EPS8L2: variants seen among roughly 807,000 people sequenced by gnomAD.
The protein encoded by EPS8L2 is EPS8 signaling adaptor L2.
In EPS8L2, 81 loss-of-function variants were observed where a neutral mutation model predicts 99.4. That is an observed-to-expected ratio of 0.82 (90% CI 0.68 to 0.98). The LOEUF (loss-of-function observed/expected upper bound fraction) is 0.98, where lower values mean the gene tolerates loss of function less well. Ranked by LOEUF, EPS8L2 falls within the 50% of genes least tolerant of loss-of-function variation. The pLI, the probability that EPS8L2 is intolerant of heterozygous loss-of-function variation, is 0.00. For synonymous variants in EPS8L2, 509 were observed against 407.3 expected, an observed-to-expected ratio of 1.25 and a Z score of -3.01; for missense variants, 1,155 against 968.8, an observed-to-expected ratio of 1.19 and a Z score of -2.55.
intron 4 of EPS8L2, among the ~76,000 whole-genome samples, chr11:715,833 G>A (rs1434684797): frequency 6.6e-6 from 1 of 151,540 alleles, no homozygotes. Context: ...CGTTAGCCAG[G>A]ATGGTCTCGA....
At chr11:711,147 C>G (rs1030110221) in intron 4 of EPS8L2, among the ~76,000 whole-genome samples, 1 of 152,166 alleles carries the variant, frequency 6.6e-6, no homozygotes, top group African/African-American at 2.4e-5. Flanking sequence ...CCTGCACGCG[C>G]CGGACCAGCC....
intron 15 of EPS8L2, 33 bp downstream of exon 15, chr11:723,386 G>C (rs1271091430): frequency 2.0e-6 from 2 of 1,023,492 alleles, no homozygotes; most frequent in South Asian, 3.2e-5. Context: ...GAGCATGAAA[G>C]TGAAACCCTT....
In EPS8L2 at chr11:712,412, TC is replaced by T. The variant is rs1197030912; in HGVS notation, c.165+1927del. ...TGGGTGCGAGCTGGGCTCCCGGTTGTCGTCCAAGCCTGGGTGCGAGCTGGGC... is the reference window on the plus strand; with the variant it reads ...TGGGTGCGAGCTGGGCTCCCGGTTGTGTCCAAGCCTGGGTGCGAGCTGGGC... On this transcript the variant is annotated intron_variant, in intron 4 of 20. Coordinates refer to ENST00000318562, the MANE Select transcript of EPS8L2 (RefSeq NM_022772.4). Among the ~76,000 whole-genome samples the T allele has an allele frequency of 1.9e-4, 27 of 138,578 alleles. 1 individual carries two copies. The highest frequency in any genetic ancestry group is 3.2e-4 in the Non-Finnish European group (20 of 62,474). 90.9% of individuals were successfully genotyped at this position (138,578 alleles called of 152,430 possible). A position where few individuals can be genotyped will look rare whatever the true frequency, so the allele number is the denominator to read the frequency against.
intron 3 of EPS8L2, chr11:710,008 C>T: frequency 2.7e-6 from 1 of 371,244 alleles, no homozygotes; most frequent in South Asian, 3.0e-5. Flanking sequence ...ATGCACCCTT[C>T]ACTTATGTCT....
rs776750117 is a variant in EPS8L2 at position 710,526 on chromosome 11, C to G, written c.165+40C>G. On this transcript the variant is annotated intron_variant, in intron 4 of 20. Coordinates refer to ENST00000318562, the MANE Select transcript of EPS8L2 (RefSeq NM_022772.4). ...CCAGGTAGGCTCCGCCCCCAGGGAG[C>G]ACCCTCAGGACATGGCTGTCCTCAG... 4.1e-5 allele frequency: 64 copies of G among 1,560,134 alleles called. No individual in the cohort carries two copies. In the East Asian group the frequency reaches 1.4e-3, roughly 34 times the overall value.
intron 16 of EPS8L2, among the ~76,000 whole-genome samples, chr11:725,180 C>CA (rs915801312): frequency 9.2e-5 from 14 of 152,366 alleles, no homozygotes; most frequent in African/African-American, 2.9e-4. Context: ...CCAGGCCACC[C>CA]ACTGGGGGAC....
intron 5 of EPS8L2, 156 bp from the exon 6 acceptor site, chr11:720,441 G>C: frequency 7.9e-7 from 1 of 1,264,466 alleles, no homozygotes. Context: ...CGGTACAGCT[G>C]CGGGGTGTGT....
rs371297832 is a variant in EPS8L2 at position 709,498 on chromosome 11, C to G, written c.44+47C>G. ...GAATACCCCACCCTCACCCTCTGAA[C>G]AGTCCCCAGGGAGGGGTGCAGTTTG... On this transcript the variant is annotated intron_variant, in intron 2 of 20. Transcript: ENST00000318562. The G allele has an allele frequency of 6.1e-6, 7 of 1,139,910 alleles. No homozygotes were observed. In the African/African-American group the frequency reaches 1.1e-4, roughly 18 times the overall value. 70.6% of individuals were successfully genotyped at this position (1,139,910 alleles called of 1,614,324 possible).
In EPS8L2 at chr11:709,674, G is replaced by T; in HGVS notation, c.100+66G>T. On this transcript the variant is annotated intron_variant, in intron 3 of 20. Coordinates refer to ENST00000318562, the MANE Select transcript of EPS8L2 (RefSeq NM_022772.4). ...AAATGGGCACTGCATCCAGGTGGGGGACAGCTGCTCCTGCCCCACAGCTGT... is the reference window on the plus strand; with the variant it reads ...AAATGGGCACTGCATCCAGGTGGGGTACAGCTGCTCCTGCCCCACAGCTGT... 5 of 1,556,544 alleles carry T rather than the reference G, an allele frequency of 3.2e-6. No individual in the cohort carries two copies. The South Asian group carries it at 4.6e-5, about 14-fold the overall frequency.
chr11:715,651 T>C lies in EPS8L2; in HGVS notation c.166-4411T>C, dbSNP rs192901680. Among the ~76,000 whole-genome samples, 53 of 146,806 alleles carry C rather than the reference T, an allele frequency of 3.6e-4. No individual in the cohort carries two copies. The East Asian group carries it at 5.1e-3, about 14-fold the overall frequency. The stretch of plus-strand genomic sequence containing the variant: ...TTTTTTTTTTTTTGAAATGGAGTCT[T>C]GCTCTGTCGCCCAGGCTGGAGTGCA... On this transcript the variant is annotated intron_variant, in intron 4 of 20. Coordinates refer to ENST00000318562, the MANE Select transcript of EPS8L2 (RefSeq NM_022772.4).
intron 10 of EPS8L2, 72 bp downstream of exon 10, chr11:721,763 A>ACGGGGC: frequency 6.5e-7 from 1 of 1,547,322 alleles, no homozygotes; most frequent in South Asian, 1.1e-5. Flanking sequence ...AGGGACGGGG[A>ACGGGGC]CGGGGCCAGG....
Position 722,678 on chromosome 11 carries a change from A to T in EPS8L2, c.1214A>T (p.Glu405Val). Residue 405 changes from glutamate (E) to valine (V), a missense_variant, in exon 14 of 21, where the codon GAG (glutamate) becomes GTG (valine). Glu to Val is a moderately radical substitution (Grantham distance 121, BLOSUM62 -2). Transcript: ENST00000318562. The part of the protein sequence containing the change: ...LGESWMRPRS[E>V]WPREPQVPLY... Reference sequence around the variant, plus strand: ...TTCAGGACCTCTCACCCCAGTTCCGAGTGGCCGCGGGAGCCACAGGTGCCC... The same window carrying T: ...TTCAGGACCTCTCACCCCAGTTCCGTGTGGCCGCGGGAGCCACAGGTGCCC... The T allele has an allele frequency of 6.2e-7, 1 of 1,607,396 alleles. No homozygotes were observed. The highest frequency in any genetic ancestry group is 8.5e-7 in the Non-Finnish European group (1 of 1,177,816).
At position 721,301 on chromosome 11, in the gene EPS8L2, G is replaced by T; in HGVS notation, c.717G>T (p.Glu239Asp). Residue 239 changes from glutamate (E) to aspartate (D), a missense_variant, in exon 9 of 21, where the codon GAG becomes GAT. Glu to Asp is a conservative substitution (Grantham distance 45). Coordinates refer to ENST00000318562, the MANE Select transcript of EPS8L2 (RefSeq NM_022772.4). The stretch of plus-strand genomic sequence containing the variant: ...CCCCATCAGGTTTCCGCCGTCGGGA[G>T]TCGCAGGAGGAGCCGCGGGCCGTGC... Reference protein sequence around the residue: ...PLSEPGFRRRESQEEPRAVLA... With the variant: ...PLSEPGFRRRDSQEEPRAVLA... The T allele has an allele frequency of 6.5e-7, 1 of 1,540,410 alleles. No individual in the cohort carries two copies. Among genetic ancestry groups the T allele is most frequent in the South Asian group, 1.2e-5 (1 of 83,936 alleles).
chr11:710,907 C>T (rs1236163511), intron 4 of EPS8L2, among the ~76,000 whole-genome samples: 2 of 152,216 alleles, frequency 1.3e-5, no homozygotes, highest in African/African-American at 2.4e-5. Flanking sequence ...GAAAGCGCCC[C>T]TCTGGTTCCA....
intron 4 of EPS8L2, among the ~76,000 whole-genome samples, chr11:717,601 G>A (rs1862053327): frequency 6.6e-6 from 1 of 152,220 alleles, no homozygotes; most frequent in Non-Finnish European, 1.5e-5. Flanking sequence ...ATTCCTGGCT[G>A]GGCGAGGTGG....
In EPS8L2 at chr11:727,058, T is replaced by C. The variant is rs1430802213; in HGVS notation, c.*77T>C. The C allele has an allele frequency of 5.9e-6, 6 of 1,022,542 alleles. No individual in the cohort carries two copies. Among genetic ancestry groups the C allele is most frequent in the Admixed American group, 4.3e-5 (2 of 46,442 alleles). The allele number at this position is 1,022,542 out of a possible 1,614,324, so 63.3% of individuals were successfully genotyped here. A position where few individuals can be genotyped will look rare whatever the true frequency, so the allele number is the denominator to read the frequency against. On this transcript the variant is annotated 3_prime_UTR_variant, in exon 21 of 21. Coordinates refer to ENST00000318562, the MANE Select transcript of EPS8L2 (RefSeq NM_022772.4). Reference sequence around the variant, plus strand: ...ATGGAGTATTATTTTTATATGTGTATGTATTTTGTATCAAGGACACGGAGG... The same window carrying C: ...ATGGAGTATTATTTTTATATGTGTACGTATTTTGTATCAAGGACACGGAGG...
chr11:726,231 T>TGGG (rs368184258), intron 18 of EPS8L2, 61 bp downstream of exon 18: 572 of 1,540,196 alleles, frequency 3.7e-4, no homozygotes, highest in Non-Finnish European at 4.2e-4. Flanking sequence ...GGAGGAAGTG[T>TGGG]GGGGGGGGTC....
Position 726,698 on chromosome 11 carries a change from G to T in EPS8L2, c.2014G>T (p.Glu672Ter), listed in dbSNP as rs764708981. 1.3e-6 allele frequency: 2 copies of T among 1,588,728 alleles called. No homozygotes were observed. The highest frequency in any genetic ancestry group is 1.7e-6 in the Non-Finnish European group (2 of 1,169,156). ...GGAGGAGCTGAAGAAAGTGTGCGGC[G>T]AGGAGGGCGTCCGCGTGTACAGCCA... The part of the protein sequence containing the change: ...NKEELKKVCG[E>*]EGVRVYSQLT... Residue 672 changes from glutamate to a stop codon, truncating the protein, a stop_gained, in exon 20 of 21, where the codon GAG (glutamate) becomes TAG (stop). Transcript: ENST00000318562. LOFTEE classifies it high-confidence loss of function.
At position 725,778 on chromosome 11, in the gene EPS8L2, G is replaced by A; in HGVS notation, c.1611G>A (p.Gln537=). The change falls in exon 17 of 21, where the codon CAG becomes CAA. Residue 537 remains glutamine (Q), a synonymous_variant. Coordinates refer to ENST00000318562, the MANE Select transcript of EPS8L2 (RefSeq NM_022772.4). The stretch of plus-strand genomic sequence containing the variant: ...GGAAGCTGCGCAGCCGCAGCGGCCA[G>A]GCGGGGTACGTGCCCTGCAACATCC... ...QWWKLRSRSG[Q]AGYVPCNILG... is the part of the protein sequence containing the mutation. The A allele has an allele frequency of 1.5e-6, 2 of 1,363,770 alleles. No individual in the cohort carries two copies. Among genetic ancestry groups the A allele is most frequent in the Admixed American group, 3.4e-5 (1 of 29,582 alleles). 84.5% of individuals were successfully genotyped at this position (1,363,770 alleles called of 1,614,324 possible).
Sources: allele counts gnomAD v4.1 joint callset (sites outside exome capture counted in the v4.1 genomes callset), GRCh38; gene constraint gnomAD v4.1.1; transcripts MANE v1.5; gene names NCBI Gene and HGNC (gene_info 2026-07-23, HGNC 2026-07-21).